NPLOC4: variants seen among roughly 807,000 people sequenced by gnomAD.
NPLOC4 encodes the protein NPL4 homolog, ubiquitin recognition factor.
A neutral mutation model predicts 80.6 loss-of-function variants in NPLOC4; 18 were observed. The ratio of observed to expected loss-of-function variants is 0.22; its 90% confidence interval spans 0.15 to 0.33. The LOEUF is 0.33. Ranked by LOEUF, NPLOC4 falls within the 10% of genes least tolerant of loss-of-function variation. The pLI is 1.00. For missense variants in NPLOC4, 540 were observed against 786.1 expected, an observed-to-expected ratio of 0.69 and a Z score of 3.74; for synonymous variants, 313 against 301.5, an observed-to-expected ratio of 1.04 and a Z score of -0.39.
Position 81,559,213 on chromosome 17 carries a change from G to T in NPLOC4, c.*46C>A. The T allele has an allele frequency of 1.3e-6, 2 of 1,543,748 alleles. No individual in the cohort carries two copies. Among genetic ancestry groups the T allele is most frequent in the Non-Finnish European group, 1.7e-6 (2 of 1,143,938 alleles). The stretch of plus-strand genomic sequence containing the variant: ...CACTCAGCAACGCTTCTGGCTTCAG[G>T]AAGGGCTGGGCTGGGCCCGGTCCTA... On this transcript the variant is annotated 3_prime_UTR_variant, in exon 17 of 17. Transcript: ENST00000331134.
chr17:81,582,928 A>G (rs1332601573), intron 12 of NPLOC4, among the ~76,000 whole-genome samples: 1 of 152,238 alleles, frequency 6.6e-6, no homozygotes. Context: ...GATTCGAAGA[A>G]ACACACAAAA....
In NPLOC4 at chr17:81,606,814, C is replaced by T. The variant is rs780876762; in HGVS notation, c.531G>A (p.Lys177=). 5.0e-6 allele frequency: 8 copies of T among 1,597,952 alleles called. No homozygotes were observed. In the Admixed American group the frequency reaches 8.6e-5, roughly 17 times the overall value. ...TGTTCTCCAGGGCAACAAACTTCCC[C>T]CTACATAGAAGAGAAGCAACTTAAA... ...YIRKLTGGAD[K]GKFVALENIS... The change falls in exon 7 of 17, where the codon AAG becomes AAA. Residue 177 remains lysine, a splice_region_variant and synonymous_variant. Transcript: ENST00000331134.
chr17:81,606,166 A>T (rs935482405), intron 7 of NPLOC4, among the ~76,000 whole-genome samples: 2 of 152,060 alleles, frequency 1.3e-5, no homozygotes, highest in African/African-American at 4.8e-5. Context: ...AGAGAATAGG[A>T]GGTTTCCAAA....
chr17:81,591,463 A>AC (rs1408839950), intron 11 of NPLOC4, among the ~76,000 whole-genome samples: 196 of 150,844 alleles, frequency 1.3e-3, no homozygotes, highest in African/African-American at 4.5e-3. Context: ...AAAAAAAAAA[A>AC]AAAAAAAAAC....
rs1297872669 is a variant in NPLOC4 at position 81,597,270 on chromosome 17, C to A, written c.968G>T (p.Gly323Val). 6.2e-7 allele frequency: 1 copy of A among 1,613,482 alleles called. No individual in the cohort carries two copies. Among genetic ancestry groups the A allele is most frequent in the Non-Finnish European group, 8.5e-7 (1 of 1,179,596 alleles). ...TDLVSEDTRK[G>V]TVRYSRNKDT... ...CTTATTTCGACTGTAGCGGACGGTA[C>A]CCTTTCGGGTATCTTCTGAGACGAG... is the stretch of plus-strand genomic sequence containing the variant. Residue 323 changes from glycine (G) to valine (V), a missense_variant, in exon 10 of 17, where the codon GGT becomes GTT. Transcript: ENST00000331134.
chr17:81,613,963 A>G (rs2035408181), intron 3 of NPLOC4, among the ~76,000 whole-genome samples: 1 of 152,062 alleles, frequency 6.6e-6, no homozygotes, highest in Non-Finnish European at 1.5e-5. Flanking sequence ...AGACACGCAT[A>G]GGAGCTGTCA....
At chr17:81,583,295 A>G (rs1400578086) in intron 12 of NPLOC4, among the ~76,000 whole-genome samples, 1 of 152,252 alleles carries the variant, frequency 6.6e-6, no homozygotes, top group Non-Finnish European at 1.5e-5. Context: ...AAGGCCATCA[A>G]CACAAGACCA....
At chr17:81,628,093 T>TC (rs1453135181) in intron 2 of NPLOC4, among the ~76,000 whole-genome samples, 3 of 135,242 alleles carry the variant, frequency 2.2e-5, no homozygotes, top group Non-Finnish European at 3.2e-5. Context: ...GCGCCTGTAG[T>TC]CCAGCTACTC....
At chr17:81,561,360 C>T (rs1263900164) in intron 16 of NPLOC4, among the ~76,000 whole-genome samples, 2 of 152,142 alleles carry the variant, frequency 1.3e-5, no homozygotes, top group African/African-American at 4.8e-5. Context: ...AGATAGAAGT[C>T]ATGTTGTGTG....
intron 12 of NPLOC4, among the ~76,000 whole-genome samples, chr17:81,584,941 C>G (rs960572134): frequency 6.6e-6 from 1 of 151,890 alleles, no homozygotes; most frequent in African/African-American, 2.4e-5. Context: ...CCGAGGTGGG[C>G]AGATTGCCTG....
intron 12 of NPLOC4, among the ~76,000 whole-genome samples, chr17:81,576,642 A>G (rs547028021): frequency 1.8e-5 from 2 of 112,392 alleles, no homozygotes; most frequent in African/African-American, 7.3e-5. Context: ...ACAAAGAACG[A>G]AAACCTGGCG....
Position 81,629,803 on chromosome 17 carries a change from T to C in NPLOC4, c.18A>G (p.Ile6Met), listed in dbSNP as rs2035884983. The C allele has an allele frequency of 6.2e-7, 1 of 1,612,034 alleles. No homozygotes were observed. The highest frequency in any genetic ancestry group is 1.3e-5 in the African/African-American group (1 of 74,994). Residue 6 changes from isoleucine (I) to methionine (M), a missense_variant and splice_region_variant, in exon 2 of 17, where the codon ATA (isoleucine) becomes ATG (methionine). This residue lies in a region of NPLOC4 where 62 missense variants were observed against 84.4 expected (regional missense o/e 0.73). Coordinates refer to ENST00000331134, the MANE Select transcript of NPLOC4 (RefSeq NM_017921.4). ...CTCCATCCGGGGACTGGACACGAAT[T>C]ATCTGTTGCAAACAAAACATGATGG... MAESI[I>M]IRVQSPDGVK...
At chr17:81,573,420 T>C (rs1235294256) in intron 12 of NPLOC4, 2 of 152,108 alleles carry the variant, frequency 1.3e-5, no homozygotes, top group Non-Finnish European at 2.9e-5. Flanking sequence ...ACCAAGTCCA[T>C]TACCCTAATG....
chr17:81,614,518 TC>T (rs2035429399), intron 3 of NPLOC4: 1 of 151,062 alleles, frequency 6.6e-6, no homozygotes, highest in South Asian at 2.1e-4. Context: ...CGGACAGACG[TC>T]CCTGTGGTTT....
intron 1 of NPLOC4, among the ~76,000 whole-genome samples, chr17:81,635,637 C>G (rs2036047699): frequency 6.6e-6 from 1 of 152,194 alleles, no homozygotes; most frequent in Admixed American, 6.5e-5. Context: ...GAACTCCTGA[C>G]CTCAGGTGAT....
chr17:81,600,510 A>G (rs1291391096), intron 8 of NPLOC4, 83 bp from the exon 9 acceptor site: 4 of 1,056,352 alleles, frequency 3.8e-6, no homozygotes, highest in Non-Finnish European at 5.8e-6. Flanking sequence ...TTCCAGCTCT[A>G]GGTCACAAGG....
intron 3 of NPLOC4, among the ~76,000 whole-genome samples, chr17:81,615,557 C>A (rs1884312634): frequency 6.6e-6 from 1 of 152,184 alleles, no homozygotes; most frequent in African/African-American, 2.4e-5. Flanking sequence ...AGGGGACAAA[C>A]CCAGCAGTGC....
intron 15 of NPLOC4, chr17:81,566,742 AGCAGCTCAGAAAGAATTT>A (rs2034023786): frequency 6.6e-6 from 1 of 152,356 alleles, no homozygotes; most frequent in South Asian, 2.1e-4. Flanking sequence ...TCAGTGGCGG[AGCAGCTCAGAAAGAATTT>A]GCTCCTTTCT....
chr17:81,565,464 C>A (rs1395365229), intron 16 of NPLOC4, 41 bp downstream of exon 16: 1 of 1,493,018 alleles, frequency 6.7e-7, no homozygotes, highest in African/African-American at 1.4e-5. Flanking sequence ...GCTCTCCGGC[C>A]CCAGCCACGG....
Sources: gnomAD v4.1 joint callset for allele counts (sites outside exome capture counted in the v4.1 genomes callset) on GRCh38, gnomAD v4.1.1 for gene constraint, gnomAD v4.1.1 regional missense constraint, MANE v1.5 for transcripts, NCBI Gene and HGNC (gene_info 2026-07-23, HGNC 2026-07-21) for gene names.